Variants in CDH19 observed in about 807,000 individuals in gnomAD.
The protein encoded by CDH19 is cadherin-19.
In CDH19, 67 loss-of-function variants were observed where a neutral mutation model predicts 64.2. The ratio of observed to expected loss-of-function variants is 1.04; its 90% CI spans 0.86 to 1.28. CDH19 has a LOEUF of 1.28. Ranked by LOEUF, CDH19 falls within the 50% of genes most tolerant of loss-of-function variation. CDH19 has a pLI of 0.00. For missense variants in CDH19, 1,030 were observed against 929.0 expected (o/e 1.11, Z -1.41); for synonymous variants, 346 against 319.3 (o/e 1.08, Z -0.89).
At chr18:66,511,374 G>A (rs1012263752) in intron 10 of CDH19, among the ~76,000 whole-genome samples, 194 bp downstream of exon 10, 3 of 151,550 alleles carry the variant, frequency 2.0e-5, no homozygotes, top group Non-Finnish European at 3.0e-5. Context: ...GAAGAAATGC[G>A]GTGAGAAATG....
chr18:66,510,583 A>AAAT (rs58115682), intron 10 of CDH19, among the ~76,000 whole-genome samples: 5,178 of 139,296 alleles, frequency 0.037, 102 homozygotes, highest in East Asian at 0.064. Flanking sequence ...AGTCTGCAAC[A>AAAT]AATAATAATA....
Position 66,509,264 on chromosome 18 carries a change from G to C in CDH19, c.1577-18C>G, listed in dbSNP as rs970730738. 7 of 1,607,976 alleles carry C rather than the reference G, an allele frequency of 4.4e-6. No homozygotes were observed. Among genetic ancestry groups the C allele is most frequent in the Non-Finnish European group, 8.5e-7 (1 of 1,176,378 alleles). On this transcript the variant is annotated intron_variant, in intron 10 of 11. Transcript: ENST00000262150. ...TGTGTTATCTAAAACAAAAATCCAT[G>C]TGCATAATTTTTTCAACTACGTAAG...
At chr18:66,585,998 T>C (rs1359301471) in intron 1 of CDH19, among the ~76,000 whole-genome samples, 1 of 152,060 alleles carries the variant, frequency 6.6e-6, no homozygotes, top group African/African-American at 2.4e-5. Flanking sequence ...ACTTATGCAG[T>C]TTGAAACTGA....
At chr18:66,566,699 A>C (rs1465589510) in intron 3 of CDH19, among the ~76,000 whole-genome samples, 1 of 151,800 alleles carries the variant, frequency 6.6e-6, no homozygotes, top group Non-Finnish European at 1.5e-5. Context: ...CACACGGTTG[A>C]GGGATTTCTT....
intron 1 of CDH19, among the ~76,000 whole-genome samples, chr18:66,589,942 T>C (rs1037000843): frequency 1.3e-5 from 2 of 151,170 alleles, no homozygotes; most frequent in African/African-American, 4.8e-5. Flanking sequence ...ATTATGACTT[T>C]AACAAATGAA....
In CDH19 at chr18:66,572,227, A is replaced by G. The variant is rs775433710; in HGVS notation, c.-23T>C. The G allele has an allele frequency of 1.3e-6, 2 of 1,584,866 alleles. No individual in the cohort carries two copies. Among genetic ancestry groups the G allele is most frequent in the South Asian group, 1.1e-5 (1 of 89,252 alleles). ...CATTGCGTTGACTCTTTTGATTCCA[A>G]CTATTACTCTTCAGAGGAAACAGGA... On this transcript the variant is annotated 5_prime_UTR_variant, in exon 2 of 12. Transcript: ENST00000262150.
chr18:66,520,621 T>C (rs576777), intron 9 of CDH19, among the ~76,000 whole-genome samples: 146,475 of 152,070 alleles, frequency 0.96, 70,778 homozygotes, highest in East Asian at 1. Context: ...TTTTAAAATT[T>C]TATATTTTAC....
rs1274641017 is a variant in CDH19, at chr18:66,597,038, C to T, written c.-113+6916G>A. Among the ~76,000 whole-genome samples the T allele has an allele frequency of 1.0e-4, 14 of 133,488 alleles. No individual in the cohort carries two copies. The East Asian group carries it at 1.8e-3, about 17-fold the overall frequency. The allele number at this position is 133,488 out of a possible 152,430, so 87.6% of individuals were successfully genotyped here. ...CGGAGCTTGCAGTGAGCCGAGATCCCGCCACTGCACTCCAGCCTGGGCGAC... is the reference window on the plus strand; with the variant it reads ...CGGAGCTTGCAGTGAGCCGAGATCCTGCCACTGCACTCCAGCCTGGGCGAC... On this transcript the variant is annotated intron_variant, in intron 1 of 11. Coordinates refer to ENST00000262150, the MANE Select transcript of CDH19 (RefSeq NM_021153.4).
intron 7 of CDH19, among the ~76,000 whole-genome samples, chr18:66,535,613 A>ATT (rs1379331008): frequency 4.5e-4 from 66 of 146,360 alleles, no homozygotes; most frequent in African/African-American, 1.5e-3. Flanking sequence ...AATCCAAAAT[A>ATT]TTTATATATA....
chr18:66,517,642 C>T (rs1985795744), intron 9 of CDH19, among the ~76,000 whole-genome samples: 1 of 151,852 alleles, frequency 6.6e-6, no homozygotes, highest in Admixed American at 6.6e-5. Context: ...TTTCTATGAT[C>T]AATTTATTAT....
At chr18:66,514,183 T>C (rs1471968241) in intron 9 of CDH19, among the ~76,000 whole-genome samples, 1 of 151,436 alleles carries the variant, frequency 6.6e-6, no homozygotes, top group Non-Finnish European at 1.5e-5. Context: ...GCTGATGTCA[T>C]AGGCAATGTG....
intron 7 of CDH19, among the ~76,000 whole-genome samples, chr18:66,541,342 C>T (rs1334124345): frequency 6.8e-6 from 1 of 146,524 alleles, no homozygotes; most frequent in Non-Finnish European, 1.5e-5. Flanking sequence ...ATACAATATC[C>T]TAATATTTTT....
At chr18:66,596,810 C>T (rs1415362695) in intron 1 of CDH19, among the ~76,000 whole-genome samples, 1 of 151,820 alleles carries the variant, frequency 6.6e-6, no homozygotes, top group Non-Finnish European at 1.5e-5. Context: ...AGGCCGGGCG[C>T]GGTGGCTCAC....
rs760715265 is a variant in CDH19 at position 66,568,756 on chromosome 18, G to T, written c.196-46C>A. 6.3e-6 allele frequency: 9 copies of T among 1,425,742 alleles called. No individual in the cohort carries two copies. In the East Asian group the frequency reaches 1.9e-4, roughly 30 times the overall value. The allele number at this position is 1,425,742 out of a possible 1,614,324, so 88.3% of individuals were successfully genotyped here. A position where few individuals can be genotyped will look rare whatever the true frequency, so the allele number is the denominator to read the frequency against. On this transcript the variant is annotated intron_variant, in intron 2 of 11. Transcript: ENST00000262150. ...CATTTAGTTTCCAAACATCTGAAAT[G>T]GACAAATCAAAATCAAGATTTTCTT...
At chr18:66,539,086 T>A (rs1336301308) in intron 7 of CDH19, among the ~76,000 whole-genome samples, 1 of 152,186 alleles carries the variant, frequency 6.6e-6, no homozygotes, top group African/African-American at 2.4e-5. Flanking sequence ...GGAAGAGGGA[T>A]TGCTGGGTGT....
At chr18:66,600,437 C>CA (rs1184400307) in intron 1 of CDH19, among the ~76,000 whole-genome samples, 1 of 151,354 alleles carries the variant, frequency 6.6e-6, no homozygotes, top group Admixed American at 6.6e-5. Flanking sequence ...TTTTTATGCA[C>CA]AAAAAAATCT....
rs200967538 is a variant in CDH19, at chr18:66,504,837, C to G, written c.2294G>C (p.Gly765Ala). The change falls in exon 12 of 12, where the codon GGT becomes GCT. Residue 765 changes from glycine (G) to alanine (A), a missense_variant. Gly to Ala is a moderately conservative substitution (Grantham distance 60). Transcript: ENST00000262150. Reference protein sequence around the residue: ...PRFKRLACMFGSAVQSNN With the variant: ...PRFKRLACMFASAVQSNN ...CTAATTATTTGACTGCACTGCAGAA[C>G]CAAACATGCATGCTAATCTTTTAAA... The G allele has an allele frequency of 2.0e-5, 32 of 1,604,798 alleles. No homozygotes were observed. The African/African-American group carries it at 3.9e-4, about 19-fold the overall frequency.
intron 10 of CDH19, among the ~76,000 whole-genome samples, chr18:66,509,703 C>T (rs1011992510): frequency 1.3e-5 from 2 of 151,616 alleles, no homozygotes; most frequent in African/African-American, 2.4e-5. Context: ...GTGTTAATTA[C>T]ATATGACACG....
chr18:66,601,247 T>C (rs954052877), intron 1 of CDH19, among the ~76,000 whole-genome samples: 5 of 151,860 alleles, frequency 3.3e-5, no homozygotes, highest in African/African-American at 1.2e-4. Context: ...AATTTAACTA[T>C]AAAACAACTT....
Sources: gnomAD v4.1 joint callset for allele counts (sites outside exome capture counted in the v4.1 genomes callset) on GRCh38, gnomAD v4.1.1 for gene constraint, MANE v1.5 for transcripts, NCBI Gene and HGNC (gene_info 2026-07-23, HGNC 2026-07-21) for gene names.